The following KLF12 variants were observed in gnomAD, a reference collection of about 807,000 sequenced individuals.
KLF12 encodes the protein KLF transcription factor 12, also known as Krueppel-like factor 12.
KLF12 carries 9 observed loss-of-function variants against 37.8 expected under a neutral mutation model. That is an observed-to-expected ratio of 0.24 (90% CI 0.14 to 0.42). KLF12 has a LOEUF of 0.42. KLF12 is among the 10% of genes least tolerant of loss of function. KLF12 has a pLI of 1.00. For missense variants in KLF12, 411 were observed against 516.0 expected, an observed-to-expected ratio of 0.80 and a Z score of 1.97; for synonymous variants, 208 against 202.1, an observed-to-expected ratio of 1.03 and a Z score of -0.25.
chr13:73,907,755 C>T (rs1238017046), intron 3 of KLF12, among the ~76,000 whole-genome samples: 1 of 152,158 alleles, frequency 6.6e-6, no homozygotes, highest in African/African-American at 2.4e-5. Context: ...TTCGACACTT[C>T]TGTTATCCCC....
chr13:73,852,281 C>T (rs1484532667), intron 3 of KLF12, among the ~76,000 whole-genome samples: 4 of 152,028 alleles, frequency 2.6e-5, no homozygotes, highest in Admixed American at 2.6e-4. Flanking sequence ...CTGACAAAAA[C>T]GTAAAGCAAA....
At chr13:73,932,842 T>C (rs1212860474) in intron 3 of KLF12, among the ~76,000 whole-genome samples, 2 of 152,176 alleles carry the variant, frequency 1.3e-5, no homozygotes, top group African/African-American at 4.8e-5. Flanking sequence ...ACTGGGGTAC[T>C]GAACAAAAAC....
At chr13:73,777,568 C>T (rs1168215097) in intron 5 of KLF12, among the ~76,000 whole-genome samples, 3 of 151,840 alleles carry the variant, frequency 2.0e-5, no homozygotes, top group East Asian at 1.9e-4. Context: ...ATTAGCCGGG[C>T]GCGGTGGCAC....
At chr13:73,829,874 G>A (rs755102548) in intron 4 of KLF12, among the ~76,000 whole-genome samples, 50 of 152,154 alleles carry the variant, frequency 3.3e-4, no homozygotes, top group Non-Finnish European at 1.0e-4. Flanking sequence ...CTGAAAAATA[G>A]TTATAAACCA....
chr13:73,867,775 G>A (rs948030214), intron 3 of KLF12, among the ~76,000 whole-genome samples: 4 of 152,006 alleles, frequency 2.6e-5, no homozygotes, highest in Non-Finnish European at 2.9e-5. Flanking sequence ...CATTCAGCAC[G>A]CCCTCTAGTA....
chr13:74,172,240 C>T, the KLF12 span, among the ~76,000 whole-genome samples: 3 of 151,290 alleles, frequency 2.0e-5, no homozygotes, highest in Admixed American at 6.6e-5. Context: ...CAGATATCAA[C>T]AAGGTATTTT....
intron 1 of KLF12, among the ~76,000 whole-genome samples, chr13:74,093,630 A>C (rs573037308): frequency 5.0e-4 from 76 of 152,202 alleles, no homozygotes; most frequent in Non-Finnish European, 9.3e-4. Context: ...GGAACATTCC[A>C]GCTCTAAATG....
intron 7 of KLF12, among the ~76,000 whole-genome samples, chr13:73,714,856 T>C (rs1365597740): frequency 5.3e-5 from 8 of 152,158 alleles, no homozygotes; most frequent in Admixed American, 3.3e-4. Context: ...CCTCTCCCTA[T>C]ATAAAAAAAA....
the KLF12 span, among the ~76,000 whole-genome samples, chr13:74,179,885 G>T: frequency 1.3e-5 from 2 of 152,150 alleles, no homozygotes; most frequent in Non-Finnish European, 2.9e-5. Context: ...AATTTTGAAT[G>T]ATTACATAAT....
intron 3 of KLF12, among the ~76,000 whole-genome samples, chr13:73,877,917 C>T (rs1057387674): frequency 6.6e-6 from 1 of 152,124 alleles, no homozygotes; most frequent in Non-Finnish European, 1.5e-5. Flanking sequence ...GTTGCCTTTT[C>T]CAAGACTACT....
At chr13:74,197,336 A>G in the KLF12 span, among the ~76,000 whole-genome samples, 2 of 152,194 alleles carry the variant, frequency 1.3e-5, no homozygotes, top group Non-Finnish European at 1.5e-5. Context: ...TTAAAAACAA[A>G]CCAATATTAT....
chr13:73,853,117 T>A (rs1182418304), intron 3 of KLF12, among the ~76,000 whole-genome samples: 2 of 152,112 alleles, frequency 1.3e-5, no homozygotes, highest in Non-Finnish European at 2.9e-5. Flanking sequence ...TCCGCCTCCC[T>A]CGGCCTCCCA....
intron 3 of KLF12, among the ~76,000 whole-genome samples, chr13:73,899,274 C>T (rs1290402615): frequency 6.6e-6 from 1 of 152,198 alleles, no homozygotes; most frequent in African/African-American, 2.4e-5. Flanking sequence ...AAGAACGAGA[C>T]CAAGCCGGAC....
chr13:74,103,932 A>ATCAG (rs1356707067), intron 1 of KLF12, among the ~76,000 whole-genome samples: 47 of 152,258 alleles, frequency 3.1e-4, no homozygotes, highest in Non-Finnish European at 5.4e-4. Flanking sequence ...GGGGTTAAGT[A>ATCAG]AAGCCTGATA....
At chr13:74,077,138 T>A (rs1431218659) in intron 1 of KLF12, among the ~76,000 whole-genome samples, 2 of 152,148 alleles carry the variant, frequency 1.3e-5, no homozygotes, top group African/African-American at 4.8e-5. Flanking sequence ...GCAGAATAAT[T>A]TGTATTCCTC....
At chr13:73,752,717 C>T (rs112522927) in intron 6 of KLF12, among the ~76,000 whole-genome samples, 68 of 132,566 alleles carry the variant, frequency 5.1e-4, no homozygotes, top group Admixed American at 1.5e-3. Flanking sequence ...CCCCTGCTCC[C>T]TTCCACATAT....
chr13:73,789,330 T>A (rs1473305725), intron 5 of KLF12, among the ~76,000 whole-genome samples: 1 of 152,214 alleles, frequency 6.6e-6, no homozygotes. Context: ...AATTGCTACA[T>A]CTTCTTTCTG....
chr13:74,193,136 G>A, the KLF12 span, among the ~76,000 whole-genome samples: 6 of 151,968 alleles, frequency 3.9e-5, no homozygotes, highest in East Asian at 3.9e-4. Context: ...CTGCTACCAC[G>A]CCCAGCTAAT....
At chr13:74,274,878 A>G in the KLF12 span, among the ~76,000 whole-genome samples, 2 of 151,946 alleles carry the variant, frequency 1.3e-5, no homozygotes, top group East Asian at 3.9e-4. Context: ...CACTTCATCA[A>G]TTTTTTAAAT....
Sources: gnomAD v4.1 joint callset for allele counts (sites outside exome capture counted in the v4.1 genomes callset) on GRCh38, gnomAD v4.1.1 for gene constraint, MANE v1.5 for transcripts, NCBI Gene and HGNC (gene_info 2026-07-23, HGNC 2026-07-21) for gene names.